NFKB2: variants seen among roughly 807,000 people sequenced by gnomAD.
NFKB2 encodes nuclear factor kappa B subunit 2.
NFKB2 carries 21 observed loss-of-function variants against 109.3 expected under a neutral mutation model. That is an observed-to-expected ratio of 0.19 (90% CI 0.14 to 0.28). NFKB2 has a LOEUF of 0.28. Ranked by LOEUF, NFKB2 falls within the 10% of genes least tolerant of loss-of-function variation. The pLI, the probability that NFKB2 is intolerant of heterozygous loss-of-function variation, is 1.00. For missense variants in NFKB2, 806 were observed against 1,185.3 expected (o/e 0.68, Z 4.70); for synonymous variants, 478 against 489.9 (o/e 0.98, Z 0.32).
chr10:102,398,181 A>G lies in NFKB2; in HGVS notation c.767-31A>G, dbSNP rs1279813045. 1 of 1,613,268 alleles carries G rather than the reference A, an allele frequency of 6.2e-7. No individual in the cohort carries two copies. Among genetic ancestry groups the G allele is most frequent in the African/African-American group, 1.3e-5 (1 of 74,806 alleles). ...AAATGGCCCCAGAGATTCCACCGGG[A>G]GCTGTGGCCAAGCTTCCGTTTTCCT... On this transcript the variant is annotated intron_variant, in intron 9 of 22. Coordinates refer to ENST00000661543, the MANE Select transcript of NFKB2 (RefSeq NM_001322934.2). The surrounding 1 kb of genome is among the most constrained non-coding windows in gnomAD (Gnocchi z 6.6).
In NFKB2 at chr10:102,400,315, G is replaced by C. The variant is rs548802737; in HGVS notation, c.1622G>C (p.Ser541Thr). 1.2e-6 allele frequency: 2 copies of C among 1,613,996 alleles called. No individual in the cohort carries two copies. Among genetic ancestry groups the C allele is most frequent in the East Asian group, 4.5e-5 (2 of 44,870 alleles). The part of the protein sequence containing the change: ...LHLAVITGQT[S>T]VVSFLLRVGA... ...CTGGCGGTGATCACGGGGCAGACGA[G>C]TGTGGTGAGCTTTCTGCTGCGGGTA... Residue 541 changes from serine to threonine, a missense_variant, in exon 16 of 23, where the codon AGT becomes ACT. By Grantham distance (58) the Ser-to-Thr change is moderately conservative (BLOSUM62 1). This residue lies in a region of NFKB2 where 163 missense variants were observed against 207.1 expected (regional missense o/e 0.79). Coordinates refer to ENST00000661543, the MANE Select transcript of NFKB2 (RefSeq NM_001322934.2). This position sits in a 1 kb window ranked among gnomAD's most constrained non-coding sequence, Gnocchi z 6.3.
At position 102,397,957 on chromosome 10, in the gene NFKB2, A is replaced by C. The variant is rs763575905; in HGVS notation, c.662-24A>C. 1.9e-6 allele frequency: 3 copies of C among 1,611,476 alleles called. No individual in the cohort carries two copies. The highest frequency in any genetic ancestry group is 2.2e-5 in the South Asian group (2 of 91,024). ...TGGCCTTGGCTATTGCATCATCTCAACTAATCCATATCCCACTCCATAGAA... is the reference window on the plus strand; with the variant it reads ...TGGCCTTGGCTATTGCATCATCTCACCTAATCCATATCCCACTCCATAGAA... On this transcript the variant is annotated intron_variant, in intron 8 of 22. Transcript: ENST00000661543. This position sits in a 1 kb window ranked among gnomAD's most constrained non-coding sequence, Gnocchi z 4.7.
In NFKB2 at chr10:102,399,695, G is replaced by A; in HGVS notation, c.1446G>A (p.Thr482=). Residue 482 remains threonine (T), a synonymous_variant, in exon 14 of 23, where the codon ACG becomes ACA. Coordinates refer to ENST00000661543, the MANE Select transcript of NFKB2 (RefSeq NM_001322934.2). ...TGGCGGGACAGCGCCACCTGCTGAC[G>A]GCGCAGGACGAGAACGGAGACACGT... ...ALLAGQRHLL[T]AQDENGDTPL... 6.7e-7 allele frequency: 1 copy of A among 1,502,012 alleles called. No homozygotes were observed. The highest frequency in any genetic ancestry group is 8.9e-7 in the Non-Finnish European group (1 of 1,123,864). 93.0% of individuals were successfully genotyped at this position (1,502,012 alleles called of 1,614,324 possible).
rs1325603094 is a variant in NFKB2 at position 102,399,372 on chromosome 10, G to A, written c.1202G>A (p.Gly401Asp). ...GAGPMGCYPGGGGGAQMAATV... is the reference protein window; with the variant it reads ...GAGPMGCYPGDGGGAQMAATV... ...GGCCCCATGGGCTGCTACCCGGGAG[G>A]CGGGGGCGGGGCGCAGATGGCCGCC... The change falls in exon 13 of 23, where the codon GGC (glycine) becomes GAC (aspartate). Residue 401 changes from glycine to aspartate, a missense_variant. Gly to Asp is a moderately conservative substitution (Grantham distance 94, BLOSUM62 -1). Around this residue, in one of 10 missense-constraint regions of NFKB2, gnomAD observed 209 missense variants for 211.9 expected, o/e 0.99. Coordinates refer to ENST00000661543, the MANE Select transcript of NFKB2 (RefSeq NM_001322934.2). The A allele has an allele frequency of 1.3e-6, 2 of 1,548,394 alleles. No homozygotes were observed. Among genetic ancestry groups the A allele is most frequent in the South Asian group, 1.2e-5 (1 of 83,708 alleles).
At chr10:102,399,215 CAAAAAAAA>C in intron 12 of NFKB2, 65 bp from the exon 13 acceptor site, 1 of 1,224,598 alleles carries the variant, frequency 8.2e-7, no homozygotes, top group Non-Finnish European at 1.1e-6. Flanking sequence ...AACTCCGTCT[CAAAAAAAA>C]AAAAAAAAAA....
At position 102,397,417 on chromosome 10, in the gene NFKB2, G is replaced by A. The variant is rs183218508; in HGVS notation, c.502+9G>A. 44 of 1,604,782 alleles carry A rather than the reference G, an allele frequency of 2.7e-5. No individual in the cohort carries two copies. The East Asian group carries it at 9.2e-4, about 33-fold the overall frequency. On this transcript the variant is annotated intron_variant, in intron 7 of 22. Transcript: ENST00000661543. The surrounding 1 kb of genome is among the most constrained non-coding windows in gnomAD (Gnocchi z 4.7). ...GCCCCAGGGCCTTACGGGTATGGGTGCAGGGGGTGGGTCGGGTATGGGTGC... is the reference window on the plus strand; with the variant it reads ...GCCCCAGGGCCTTACGGGTATGGGTACAGGGGGTGGGTCGGGTATGGGTGC...
upstream of NFKB2, chr10:102,395,670 C>T: frequency 3.8e-6 from 2 of 519,804 alleles, no homozygotes; most frequent in South Asian, 5.3e-5. Context: ...GCCCCGCCTC[C>T]CCTTGGTATT....
At chr10:102,399,921 CA>C in intron 14 of NFKB2, 158 bp from the exon 15 acceptor site, 2 of 1,056,874 alleles carry the variant, frequency 1.9e-6, no homozygotes, top group Non-Finnish European at 1.4e-6. Flanking sequence ...TTACCTACCT[CA>C]AAAGGTGCTG....
chr10:102,398,174 C>T lies in NFKB2; in HGVS notation c.767-38C>T. 1 of 1,613,172 alleles carries T rather than the reference C, an allele frequency of 6.2e-7. No individual in the cohort carries two copies. The highest frequency in any genetic ancestry group is 1.3e-5 in the African/African-American group (1 of 74,976). ...CTAGGGTAAATGGCCCCAGAGATTC[C>T]ACCGGGAGCTGTGGCCAAGCTTCCG... On this transcript the variant is annotated intron_variant, in intron 9 of 22. Coordinates refer to ENST00000661543, the MANE Select transcript of NFKB2 (RefSeq NM_001322934.2). The surrounding 1 kb of genome is among the most constrained non-coding windows in gnomAD (Gnocchi z 6.6).
chr10:102,397,868 G>C lies in NFKB2; in HGVS notation c.662-113G>C. On this transcript the variant is annotated intron_variant, in intron 8 of 22. Coordinates refer to ENST00000661543, the MANE Select transcript of NFKB2 (RefSeq NM_001322934.2). This position sits in a 1 kb window ranked among gnomAD's most constrained non-coding sequence, Gnocchi z 4.7. Reference sequence around the variant, plus strand: ...CTGTCTTTAGTAAATGTGTATATTGGGTGTTTCCTGCAGCTCCAGGGGTTG... The same window carrying C: ...CTGTCTTTAGTAAATGTGTATATTGCGTGTTTCCTGCAGCTCCAGGGGTTG... 1 of 1,264,662 alleles carries C rather than the reference G, an allele frequency of 7.9e-7. No individual in the cohort carries two copies. Among genetic ancestry groups the C allele is most frequent in the Non-Finnish European group, 1.1e-6 (1 of 882,224 alleles). The allele number at this position is 1,264,662 out of a possible 1,614,324, so 78.3% of individuals were successfully genotyped here. A position where few individuals can be genotyped will look rare whatever the true frequency, so the allele number is the denominator to read the frequency against.
At position 102,398,080 on chromosome 10, in the gene NFKB2, A is replaced by C; in HGVS notation, c.761A>C (p.Gln254Pro). The C allele has an allele frequency of 6.2e-7, 1 of 1,614,168 alleles. No homozygotes were observed. The change falls in exon 9 of 23, where the codon CAG becomes CCG. Residue 254 changes from glutamine to proline, a missense_variant. Gln to Pro is a moderately conservative substitution (Grantham distance 76). Transcript: ENST00000661543. The surrounding 1 kb of genome is among the most constrained non-coding windows in gnomAD (Gnocchi z 6.6). ...DEVYLLCDKV[Q>P]KDDIEVRFYE... The stretch of plus-strand genomic sequence containing the variant: ...GTTTATCTGCTTTGTGACAAGGTGC[A>C]GAAAGGTGAGACTGGAGCCCACTTT...
In NFKB2 at chr10:102,398,121, C is replaced by T. The variant is rs1482575289; in HGVS notation, c.766+36C>T. ...AGCCCACTTTGGGCACCAAGGACAT[C>T]GAGTATAAGACTGGGGCCAGGGAAG... On this transcript the variant is annotated intron_variant, in intron 9 of 22. Coordinates refer to ENST00000661543, the MANE Select transcript of NFKB2 (RefSeq NM_001322934.2). The surrounding 1 kb of genome is among the most constrained non-coding windows in gnomAD (Gnocchi z 6.6). 23 of 1,612,544 alleles carry T rather than the reference C, an allele frequency of 1.4e-5. No homozygotes were observed. The highest frequency in any genetic ancestry group is 1.7e-5 in the Non-Finnish European group (20 of 1,178,710).
At position 102,400,242 on chromosome 10, in the gene NFKB2, G is replaced by A; in HGVS notation, c.1585-36G>A. 1 of 1,613,900 alleles carries A rather than the reference G, an allele frequency of 6.2e-7. No individual in the cohort carries two copies. The highest frequency in any genetic ancestry group is 1.1e-5 in the South Asian group (1 of 91,078). On this transcript the variant is annotated intron_variant, in intron 15 of 22. Coordinates refer to ENST00000661543, the MANE Select transcript of NFKB2 (RefSeq NM_001322934.2). This position sits in a 1 kb window ranked among gnomAD's most constrained non-coding sequence, Gnocchi z 6.3. Reference sequence around the variant, plus strand: ...GGTGGGAGGGGTTGGAAGGCAAGTGGGTCTCGGGCCTGGCTCACCCTGCTT... The same window carrying A: ...GGTGGGAGGGGTTGGAAGGCAAGTGAGTCTCGGGCCTGGCTCACCCTGCTT...
chr10:102,397,166 C>T lies in NFKB2; in HGVS notation c.395+111C>T. On this transcript the variant is annotated intron_variant, in intron 6 of 22. Coordinates refer to ENST00000661543, the MANE Select transcript of NFKB2 (RefSeq NM_001322934.2). This position sits in a 1 kb window ranked among gnomAD's most constrained non-coding sequence, Gnocchi z 4.7. ...ACCAAGGGGAAAGATGTAGGTTGGC[C>T]CCAAACCCAAGGGCCTAAGTAGAAA... 3 of 1,549,954 alleles carry T rather than the reference C, an allele frequency of 1.9e-6. No homozygotes were observed. Among genetic ancestry groups the T allele is most frequent in the Non-Finnish European group, 2.6e-6 (3 of 1,139,808 alleles).
rs2061099657 is a variant in NFKB2, at chr10:102,395,872, C to T, written c.-72-16C>T. 2 of 1,411,672 alleles carry T rather than the reference C, an allele frequency of 1.4e-6. No homozygotes were observed. The highest frequency in any genetic ancestry group is 4.6e-5 in the East Asian group (2 of 43,584). The allele number at this position is 1,411,672 out of a possible 1,614,324, so 87.4% of individuals were successfully genotyped here. On this transcript the variant is annotated splice_polypyrimidine_tract_variant and intron_variant, in intron 1 of 22. Transcript: ENST00000661543. ...AGATCTGACCCCCTCCCCCACGCCA[C>T]TCCTCCCAACTTTAGGCGGGCGTCT... is the stretch of plus-strand genomic sequence containing the variant.
chr10:102,399,035 AAACCTCGT>A, intron 12 of NFKB2, 171 bp downstream of exon 12: 1 of 783,610 alleles, frequency 1.3e-6, no homozygotes, highest in Non-Finnish European at 2.0e-6. Flanking sequence ...CAACAGCGTG[AAACCTCGT>A]CTCTACTAAA....
rs371864445 is a variant in NFKB2 at position 102,399,582 on chromosome 10, G to C, written c.1333G>C (p.Glu445Gln). Residue 445 changes from glutamate (E) to glutamine (Q), a missense_variant, in exon 14 of 23, where the codon GAG (glutamate) becomes CAG (glutamine). Transcript: ENST00000661543. The part of the protein sequence containing the change: ...QAPEMLQRAR[E>Q]YNARLFGLAQ... Reference sequence around the variant, plus strand: ...ACGCCCTCTGTGGCCCGTAGCTCGAGAGTACAACGCGCGCCTGTTCGGCCT... The same window carrying C: ...ACGCCCTCTGTGGCCCGTAGCTCGACAGTACAACGCGCGCCTGTTCGGCCT... 1 of 1,550,874 alleles carries C rather than the reference G, an allele frequency of 6.4e-7. No individual in the cohort carries two copies. The highest frequency in any genetic ancestry group is 1.2e-5 in the South Asian group (1 of 84,204).
chr10:102,401,449 G>A lies in NFKB2; in HGVS notation c.2224G>A (p.Val742Met). The A allele has an allele frequency of 6.2e-7, 1 of 1,613,866 alleles. No homozygotes were observed. The highest frequency in any genetic ancestry group is 8.5e-7 in the Non-Finnish European group (1 of 1,179,974). The stretch of plus-strand genomic sequence containing the variant: ...GTCAGAACTGCGGCTGTCTCCCCAG[G>A]TGAAGACCTTGCTGCTAAATGCTGC... ...TPLDLTCSTK[V>M]KTLLLNAAQN... Residue 742 changes from valine (V) to methionine (M), a missense_variant and splice_region_variant, in exon 20 of 23, where the codon GTG becomes ATG. By Grantham distance (21) the Val-to-Met change is conservative. This residue lies in a region of NFKB2 where 211 missense variants were observed against 268.7 expected (regional missense o/e 0.79). Coordinates refer to ENST00000661543, the MANE Select transcript of NFKB2 (RefSeq NM_001322934.2). The surrounding 1 kb of genome is among the most constrained non-coding windows in gnomAD (Gnocchi z 4.2).
rs1275830425 is a variant in NFKB2, at chr10:102,398,703, A to G, written c.992-36A>G. On this transcript the variant is annotated intron_variant, in intron 11 of 22. Coordinates refer to ENST00000661543, the MANE Select transcript of NFKB2 (RefSeq NM_001322934.2). The surrounding 1 kb of genome is among the most constrained non-coding windows in gnomAD (Gnocchi z 6.6). ...GGAAGGGCCCCTGAGGCATGACACA[A>G]TAACTGGGCTCAATCTCATTTTCCT... 3 of 1,612,136 alleles carry G rather than the reference A, an allele frequency of 1.9e-6. No homozygotes were observed. The highest frequency in any genetic ancestry group is 1.1e-5 in the South Asian group (1 of 91,002).
Sources: gnomAD v4.1 joint callset for allele counts on GRCh38, gnomAD v4.1.1 for gene constraint, gnomAD v4.1.1 regional missense constraint, Gnocchi (gnomAD v3.1) non-coding constraint, MANE v1.5 for transcripts, NCBI Gene and HGNC (gene_info 2026-07-23, HGNC 2026-07-21) for gene names.